The following SORCS1 variants were observed in gnomAD, a reference collection of about 807,000 sequenced individuals.
The protein encoded by SORCS1 is VPS10 domain-containing receptor SorCS1.
SORCS1 carries 60 observed loss-of-function variants against 146.1 expected under a neutral mutation model. The observed-to-expected ratio is 0.41, with a 90% CI of 0.33 to 0.51. The LOEUF is 0.51. SORCS1 is among the 20% of genes least tolerant of loss of function. The pLI is 0.21. For synonymous variants in SORCS1, 637 were observed against 584.0 expected, an observed-to-expected ratio of 1.09 and a Z score of -1.31; for missense variants, 1,352 against 1,487.6, an observed-to-expected ratio of 0.91 and a Z score of 1.50.
At chr10:106,760,399 A>G (rs113686248) in intron 5 of SORCS1, among the ~76,000 whole-genome samples, 69 of 148,430 alleles carry the variant, frequency 4.6e-4, no homozygotes, top group African/African-American at 1.6e-3. Context: ...AGCTGAGATC[A>G]GACCACTGCA....
chr10:106,652,536 G>T lies in SORCS1; in HGVS notation c.2321C>A (p.Ser774Tyr). 1 of 1,613,414 alleles carries T rather than the reference G, an allele frequency of 6.2e-7. No homozygotes were observed. The highest frequency in any genetic ancestry group is 8.5e-7 in the Non-Finnish European group (1 of 1,179,454). The change falls in exon 18 of 26, where the codon TCC becomes TAC. Residue 774 changes from serine (S) to tyrosine (Y), a missense_variant. Ser to Tyr is a moderately radical substitution (Grantham distance 144, BLOSUM62 -2). Coordinates refer to ENST00000263054, the MANE Select transcript of SORCS1 (RefSeq NM_052918.5). ...LNSTGYRKVV[S>Y]NNCTDGVREQ... ...CCTTACGCCATCAGTGCAATTATTG[G>T]AAACCACCTTCCTGTACCTAAATGG... is the stretch of plus-strand genomic sequence containing the variant.
At chr10:106,775,880 G>A (rs1021556008) in intron 4 of SORCS1, among the ~76,000 whole-genome samples, 3 of 152,134 alleles carry the variant, frequency 2.0e-5, no homozygotes, top group Non-Finnish European at 4.4e-5. Flanking sequence ...GTATGTTATA[G>A]TATATATGTC....
intron 9 of SORCS1, among the ~76,000 whole-genome samples, chr10:106,695,293 T>C (rs1177116329): frequency 6.6e-6 from 1 of 152,216 alleles, no homozygotes; most frequent in African/African-American, 2.4e-5. Flanking sequence ...TCTGATTCTC[T>C]TTACATTGAC....
At chr10:106,603,149 C>A (rs879259970) in intron 23 of SORCS1, among the ~76,000 whole-genome samples, 3 of 152,158 alleles carry the variant, frequency 2.0e-5, no homozygotes, top group African/African-American at 7.2e-5. Flanking sequence ...TAGAGCATGG[C>A]GGTCTTTCCT....
chr10:106,606,588 T>C (rs926419602), intron 23 of SORCS1, among the ~76,000 whole-genome samples: 11 of 152,242 alleles, frequency 7.2e-5, no homozygotes, highest in Admixed American at 1.3e-4. Flanking sequence ...TTGGTATACA[T>C]AGATTAATCT....
intron 1 of SORCS1, among the ~76,000 whole-genome samples, chr10:107,139,215 G>A (rs1457568893): frequency 1.3e-5 from 2 of 152,118 alleles, no homozygotes; most frequent in Non-Finnish European, 2.9e-5. Context: ...TAGAAAAGAG[G>A]ATAAGTCACT....
the SORCS1 span, among the ~76,000 whole-genome samples, chr10:107,175,414 A>G: frequency 6.6e-6 from 1 of 152,054 alleles, no homozygotes; most frequent in Non-Finnish European, 1.5e-5. Context: ...TTTATTTACT[A>G]TTTATCAACC....
chr10:106,954,880 C>T (rs951177556), intron 2 of SORCS1, among the ~76,000 whole-genome samples: 4 of 152,220 alleles, frequency 2.6e-5, no homozygotes. Flanking sequence ...GAGAGCTGTT[C>T]CGTCACTCAA....
At chr10:106,943,448 T>C (rs1365638730) in intron 2 of SORCS1, among the ~76,000 whole-genome samples, 1 of 152,138 alleles carries the variant, frequency 6.6e-6, no homozygotes, top group East Asian at 1.9e-4. Context: ...AGGCCATGTA[T>C]ACTTTAATTA....
chr10:106,957,895 A>T (rs1274386814), intron 1 of SORCS1, among the ~76,000 whole-genome samples: 1 of 152,230 alleles, frequency 6.6e-6, no homozygotes, highest in Non-Finnish European at 1.5e-5. Flanking sequence ...ATTTTGTCTG[A>T]CGCCAGAAGA....
intron 2 of SORCS1, among the ~76,000 whole-genome samples, chr10:106,919,638 A>G (rs1952609013): frequency 6.6e-6 from 1 of 152,254 alleles, no homozygotes; most frequent in Admixed American, 6.5e-5. Flanking sequence ...GGAGATGCCT[A>G]ACGGTACTAC....
chr10:106,934,494 C>T (rs1323661223), intron 2 of SORCS1, among the ~76,000 whole-genome samples: 1 of 152,026 alleles, frequency 6.6e-6, no homozygotes, highest in East Asian at 1.9e-4. Context: ...CTCCTGCCCT[C>T]GTGATCCACC....
chr10:106,936,490 T>G (rs779315196), intron 2 of SORCS1, among the ~76,000 whole-genome samples: 1 of 152,214 alleles, frequency 6.6e-6, no homozygotes, highest in South Asian at 2.1e-4. Context: ...CAGAGAAGAA[T>G]GTATGGAACA....
intron 9 of SORCS1, among the ~76,000 whole-genome samples, chr10:106,695,339 T>C (rs1044482398): frequency 2.0e-5 from 3 of 152,008 alleles, no homozygotes; most frequent in African/African-American, 7.2e-5. Flanking sequence ...CAGTCTTCTG[T>C]TTTCACTGGT....
intron 1 of SORCS1, among the ~76,000 whole-genome samples, chr10:107,122,203 A>G (rs1966449597): frequency 6.6e-6 from 1 of 152,208 alleles, no homozygotes; most frequent in Admixed American, 6.5e-5. Context: ...TGTTCTCACA[A>G]CTAAGCACAA....
chr10:106,709,442 AATT>A, intron 6 of SORCS1, 101 bp from the exon 7 acceptor site: 4 of 412,460 alleles, frequency 9.7e-6, no homozygotes, highest in Admixed American at 9.8e-5. Context: ...TACCATTTCC[AATT>A]TTTTTTTTTT....
At chr10:106,667,419 C>T (rs923442480) in intron 17 of SORCS1, 15 of 358,314 alleles carry the variant, frequency 4.2e-5, no homozygotes, top group Non-Finnish European at 6.6e-5. Context: ...AACAAAGTGT[C>T]GAGAAAATGA....
chr10:107,106,532 T>C (rs1441292608), intron 1 of SORCS1, among the ~76,000 whole-genome samples: 3 of 152,180 alleles, frequency 2.0e-5, no homozygotes, highest in Non-Finnish European at 4.4e-5. Flanking sequence ...AATGGCATTA[T>C]AACAAAAAAC....
chr10:106,904,641 T>G (rs74152275), intron 2 of SORCS1, among the ~76,000 whole-genome samples: 12,214 of 152,256 alleles, frequency 0.08, 1,086 homozygotes, highest in African/African-American at 0.21. Context: ...CACAGCTACG[T>G]GGCGGAGTGC....
Sources: gnomAD v4.1 joint callset for allele counts (sites outside exome capture counted in the v4.1 genomes callset) on GRCh38, gnomAD v4.1.1 for gene constraint, MANE v1.5 for transcripts, NCBI Gene and HGNC (gene_info 2026-07-23, HGNC 2026-07-21) for gene names.